Variants in CYP4F3 observed in about 807,000 individuals in gnomAD.
The protein encoded by CYP4F3 is cytochrome P450 4F3.
A neutral mutation model predicts 54.8 loss-of-function variants in CYP4F3; 50 were observed. The ratio of observed to expected loss-of-function variants is 0.91; its 90% CI spans 0.73 to 1.16. CYP4F3 has a LOEUF of 1.16. Among genes scored for constraint, CYP4F3 ranks in the 50% most tolerant of loss-of-function variants. The probability of loss-of-function intolerance (pLI) is 0.00; values close to 1 mark genes in which losing one functional copy is unlikely to be tolerated. For synonymous variants in CYP4F3, 244 were observed against 262.6 expected, an observed-to-expected ratio of 0.93 and a Z score of 0.69; for missense variants, 715 against 676.2, an observed-to-expected ratio of 1.06 and a Z score of -0.64.
intron 2 of CYP4F3, among the ~76,000 whole-genome samples, chr19:15,644,623 T>C (rs1972571551): frequency 1.3e-5 from 2 of 152,202 alleles, no homozygotes; most frequent in African/African-American, 4.8e-5. Flanking sequence ...GGATCTGGAC[T>C]GTTATTTCTG....
rs894963953 is a variant in CYP4F3, at chr19:15,658,809, G to A, written c.1397G>A (p.Arg466Lys). 33 of 1,614,092 alleles carry A rather than the reference G, an allele frequency of 2.0e-5. No homozygotes were observed. The highest frequency in any genetic ancestry group is 2.8e-5 in the Non-Finnish European group (33 of 1,180,004). Residue 466 changes from arginine to lysine, a missense_variant and splice_region_variant, in exon 12 of 13, where the codon AGG becomes AAG. Transcript: ENST00000221307. The stretch of plus-strand genomic sequence containing the variant: ...TTTATTCCCTTCTCAGCAGGGCCCA[G>A]GTAAGAGCGGCCTGTGTTTGAGGCG... The part of the protein sequence containing the change: ...LAFIPFSAGP[R>K]NCIGQAFAMA...
chr19:15,646,712 G>A (rs558565994), intron 3 of CYP4F3, among the ~76,000 whole-genome samples: 1 of 152,296 alleles, frequency 6.6e-6, no homozygotes, highest in African/African-American at 2.4e-5. Context: ...CAGACAGGGT[G>A]TCCTAAGTCC....
intron 9 of CYP4F3, among the ~76,000 whole-genome samples, chr19:15,653,643 G>A (rs1432810852): frequency 1.3e-5 from 2 of 151,916 alleles, no homozygotes; most frequent in Non-Finnish European, 2.9e-5. Flanking sequence ...TTGAAAGCCT[G>A]AATAATGATC....
Position 15,649,814 on chromosome 19 carries a change from G to A in CYP4F3, c.648-99G>A, listed in dbSNP as rs960994407. The A allele has an allele frequency of 7.2e-6, 11 of 1,525,140 alleles. No homozygotes were observed. The Admixed American group carries it at 1.7e-4, about 24-fold the overall frequency. 94.5% of individuals were successfully genotyped at this position (1,525,140 alleles called of 1,614,324 possible). A position where few individuals can be genotyped will look rare whatever the true frequency, so the allele number is the denominator to read the frequency against. Reference sequence around the variant, plus strand: ...GGGGCCATCTGTTCCTGGATACCCCGTTTACTGATAGGAGGTAGCTCCTAG... The same window carrying A: ...GGGGCCATCTGTTCCTGGATACCCCATTTACTGATAGGAGGTAGCTCCTAG... On this transcript the variant is annotated intron_variant, in intron 6 of 12. Transcript: ENST00000221307.
Position 15,662,197 on chromosome 19 carries a change from G to A in CYP4F3, c.*2812G>A. 1 of 142,922 alleles carries A rather than the reference G, an allele frequency of 7.0e-6. No individual in the cohort carries two copies. The highest frequency in any genetic ancestry group is 1.5e-5 in the Non-Finnish European group (1 of 66,942). 8.9% of individuals were successfully genotyped at this position (142,922 alleles called of 1,614,324 possible). On this transcript the variant is annotated 3_prime_UTR_variant, in exon 13 of 13. Transcript: ENST00000221307. ...GAGGCAGGAGAATCGCTTGAACCCAGGAGTCAGAGGTTTCAGTGAGCCGAG... is the reference window on the plus strand; with the variant it reads ...GAGGCAGGAGAATCGCTTGAACCCAAGAGTCAGAGGTTTCAGTGAGCCGAG...
chr19:15,643,405 A>AATAGATAGATAGATAG (rs57178444), intron 2 of CYP4F3, among the ~76,000 whole-genome samples: 2 of 99,322 alleles, frequency 2.0e-5, no homozygotes, highest in Non-Finnish European at 4.1e-5. Flanking sequence ...TATATAGGTA[A>AATAGATAGATAGATAG]ATAGATAGAT....
chr19:15,648,288 A>G (rs1177170384), intron 5 of CYP4F3, among the ~76,000 whole-genome samples: 5 of 152,024 alleles, frequency 3.3e-5, no homozygotes, highest in South Asian at 4.2e-4. Context: ...TTCTTCTCCA[A>G]GCCTCTCAAA....
Position 15,661,502 on chromosome 19 carries a change from A to G in CYP4F3, c.*2117A>G, listed in dbSNP as rs1417560345. On this transcript the variant is annotated 3_prime_UTR_variant, in exon 13 of 13. Transcript: ENST00000221307. ...TTTTAATTCGCATTTTCCAGTGACT[A>G]AGGGTGTTGAACCACTCGTGCCTTC... is the stretch of plus-strand genomic sequence containing the variant. 4 of 152,172 alleles carry G rather than the reference A, an allele frequency of 2.6e-5. No homozygotes were observed. Among genetic ancestry groups the G allele is most frequent in the Admixed American group, 1.3e-4 (2 of 15,276 alleles). 9.4% of individuals were successfully genotyped at this position (152,172 alleles called of 1,614,324 possible).
intron 7 of CYP4F3, chr19:15,650,428 C>T (rs1381723583): frequency 4.2e-6 from 3 of 709,102 alleles, no homozygotes; most frequent in East Asian, 2.9e-5. Flanking sequence ...AGCTAATTGG[C>T]CACCTTTTAA....
In CYP4F3 at chr19:15,647,117, T is replaced by G; in HGVS notation, c.397+12T>G. ...GAAGCCCTGGCTGGGTGAGTATCTG[T>G]AGGTGAACAGGGTTGGGAACAACCT... On this transcript the variant is annotated intron_variant, in intron 4 of 12. Transcript: ENST00000221307. 1 of 1,613,976 alleles carries G rather than the reference T, an allele frequency of 6.2e-7. No homozygotes were observed. Among genetic ancestry groups the G allele is most frequent in the Non-Finnish European group, 8.5e-7 (1 of 1,179,968 alleles).
At chr19:15,658,584 C>T (rs753530448) in intron 11 of CYP4F3, 29 bp downstream of exon 11, 1 of 1,613,652 alleles carries the variant, frequency 6.2e-7, no homozygotes, top group Non-Finnish European at 8.5e-7. Flanking sequence ...TGTTTTTGTC[C>T]ATTCCAAGGC....
In CYP4F3 at chr19:15,659,210, C is replaced by CCT; in HGVS notation, c.1398-8_1398-7dup. On this transcript the variant is annotated splice_polypyrimidine_tract_variant and intron_variant, in intron 12 of 12. Transcript: ENST00000221307. ...TGGGTGCAGTCAGAGTTTCCACCTC[C>CCT]CTCCCCAAGGAACTGCATCGGGCAG... 1 of 1,520,622 alleles carries CCT rather than the reference C, an allele frequency of 6.6e-7. No individual in the cohort carries two copies. Among genetic ancestry groups the CCT allele is most frequent in the South Asian group, 1.2e-5 (1 of 82,240 alleles). 94.2% of individuals were successfully genotyped at this position (1,520,622 alleles called of 1,614,324 possible). A position where few individuals can be genotyped will look rare whatever the true frequency, so the allele number is the denominator to read the frequency against.
At position 15,641,363 on chromosome 19, in the gene CYP4F3, G is replaced by C. The variant is rs563314241; in HGVS notation, c.-1-52G>C. On this transcript the variant is annotated intron_variant, in intron 1 of 12. Coordinates refer to ENST00000221307, the MANE Select transcript of CYP4F3 (RefSeq NM_000896.3). ...CTCTCCACTGTCCCTGGAGCTCCCTGGGCCCTTCCCTGGGCCTCAGGACCT... is the reference window on the plus strand; with the variant it reads ...CTCTCCACTGTCCCTGGAGCTCCCTCGGCCCTTCCCTGGGCCTCAGGACCT... The C allele has an allele frequency of 4.4e-6, 7 of 1,606,228 alleles. No individual in the cohort carries two copies. The South Asian group carries it at 5.5e-5, about 13-fold the overall frequency.
chr19:15,653,128 T>G (rs1972909186), intron 9 of CYP4F3, among the ~76,000 whole-genome samples, 176 bp downstream of exon 9: 1 of 152,180 alleles, frequency 6.6e-6, no homozygotes, highest in Non-Finnish European at 1.5e-5. Flanking sequence ...GCAAAGGTTA[T>G]AGGCCCTTAG....
In CYP4F3 at chr19:15,650,824, T is replaced by TCTCTTC. The variant is rs56151781; in HGVS notation, c.918+641_918+642insCTCTTC. On this transcript the variant is annotated intron_variant, in intron 7 of 12. Coordinates refer to ENST00000221307, the MANE Select transcript of CYP4F3 (RefSeq NM_000896.3). ...CTCTCTCTTCTCTTTCTTTCTTTCT[T>TCTCTTC]TCTTTCTTTCTTTCTTTCTTTCTTT... 4.0e-4 allele frequency among the ~76,000 whole-genome samples: 26 copies of TCTCTTC among 64,762 alleles called. 2 individuals are homozygous for TCTCTTC. Among genetic ancestry groups the TCTCTTC allele is most frequent in the East Asian group, 3.8e-3 (5 of 1,318 alleles). The allele number at this position is 64,762 out of a possible 152,430, so 42.5% of individuals were successfully genotyped here.
intron 5 of CYP4F3, 106 bp from the exon 6 acceptor site, chr19:15,649,054 G>A (rs1972708428): frequency 5.3e-6 from 8 of 1,520,094 alleles, no homozygotes; most frequent in Non-Finnish European, 6.2e-6. Flanking sequence ...TCCCTGGGGA[G>A]AAGATGAAGA....
At chr19:15,646,734 T>C (rs1972635946) in intron 3 of CYP4F3, among the ~76,000 whole-genome samples, 1 of 152,136 alleles carries the variant, frequency 6.6e-6, no homozygotes. Context: ...TGTGAAGGCA[T>C]TCTGTAGAGT....
At chr19:15,653,497 A>G (rs528129965) in intron 9 of CYP4F3, among the ~76,000 whole-genome samples, 9 of 152,262 alleles carry the variant, frequency 5.9e-5, no homozygotes, top group Admixed American at 4.6e-4. Flanking sequence ...GAAGGACCCA[A>G]CCAGGGATCT....
At chr19:15,650,812 TTCTTTCTTTC>T (rs1972816505) in intron 7 of CYP4F3, among the ~76,000 whole-genome samples, 1 of 20,850 alleles carries the variant, frequency 4.8e-5, no homozygotes, top group Admixed American at 5.7e-4. Context: ...TCTCTTCTCT[TTCTTTCTTTC>T]TTTCTTTCTT....
Sources: allele counts gnomAD v4.1 joint callset (sites outside exome capture counted in the v4.1 genomes callset), GRCh38; gene constraint gnomAD v4.1.1; transcripts MANE v1.5; gene names NCBI Gene and HGNC (gene_info 2026-07-23, HGNC 2026-07-21).